SPDYE18: variants seen among roughly 807,000 people sequenced by gnomAD.
SPDYE18 encodes the protein speedy/RINGO cell cycle regulator family member E18, also known as speedy protein E18.
Under a neutral mutation model 44.9 loss-of-function variants are expected in SPDYE18, and 6 were observed. That is an observed-to-expected ratio of 0.13 (90% confidence interval 0.07 to 0.26). The LOEUF (loss-of-function observed/expected upper bound fraction) is 0.26, where lower values mean the gene tolerates loss of function less well. SPDYE18 is among the 10% of genes least tolerant of loss of function. The probability of loss-of-function intolerance (pLI) is 1.00; values close to 1 mark genes in which losing one functional copy is unlikely to be tolerated. For synonymous variants in SPDYE18, 35 were observed against 177.1 expected (o/e 0.20, Z 6.37); for missense variants, 121 against 463.2 (o/e 0.26, Z 6.78).
chr7:77,050,717 A>G lies in SPDYE18; in HGVS notation c.*1208T>C, dbSNP rs1199390016. On this transcript the variant is annotated 3_prime_UTR_variant, in exon 9 of 9. Coordinates refer to ENST00000510091, the MANE Select transcript of SPDYE18 (RefSeq NM_001394953.1). ...GCAGCACGTGTAATAATAGATACAA[A>G]GATTGAAAGGTAAAAGATTTAGGAT... Among the ~76,000 whole-genome samples, 1 of 150,726 alleles carries G rather than the reference A, an allele frequency of 6.6e-6. No homozygotes were observed. The highest frequency in any genetic ancestry group is 1.5e-5 in the Non-Finnish European group (1 of 67,676).
chr7:77,053,160 G>T lies in SPDYE18; in HGVS notation c.799C>A (p.Gln267Lys), dbSNP rs1252570933. ...CCATACAGGAAGTAGAAGATGTTTT[G>T]TTTGGGGTCCTCGTCGTCCTCCTCC... ...DMEEDDEDPK[Q>K]NIFYFLYGKT... The change falls in exon 7 of 9, where the codon CAA becomes AAA. Residue 267 changes from glutamine (Q) to lysine (K), a missense_variant. Physicochemically the swap from Gln to Lys is moderately conservative, Grantham distance 53. Transcript: ENST00000510091. 12 of 1,613,940 alleles carry T rather than the reference G, an allele frequency of 7.4e-6. No individual in the cohort carries two copies. Among genetic ancestry groups the T allele is most frequent in the Non-Finnish European group, 1.0e-5 (12 of 1,180,050 alleles).
At chr7:77,062,196 C>G (rs1194432250) in intron 1 of SPDYE18, among the ~76,000 whole-genome samples, 1 of 144,030 alleles carries the variant, frequency 6.9e-6, no homozygotes, top group Non-Finnish European at 1.5e-5. Flanking sequence ...CTAGGAGTCT[C>G]TCGCTCATAG....
intron 3 of SPDYE18, among the ~76,000 whole-genome samples, chr7:77,058,501 CTTTT>C (rs1158671945): frequency 2.0e-4 from 11 of 56,090 alleles, no homozygotes; most frequent in East Asian, 6.4e-4. Context: ...TTCCTTCCTT[CTTTT>C]TTTTTTTTTT....
chr7:77,062,330 G>A (rs3972473), intron 1 of SPDYE18, among the ~76,000 whole-genome samples, 166 bp downstream of exon 1: 83 of 148,332 alleles, frequency 5.6e-4, no homozygotes, highest in Admixed American at 9.7e-4. Context: ...AGCTGGGTGG[G>A]TCCTCCTACA....
At position 77,051,873 on chromosome 7, in the gene SPDYE18, C is replaced by T. The variant is rs370199131; in HGVS notation, c.*52G>A. On this transcript the variant is annotated 3_prime_UTR_variant, in exon 9 of 9. Coordinates refer to ENST00000510091, the MANE Select transcript of SPDYE18 (RefSeq NM_001394953.1). Reference sequence around the variant, plus strand: ...TGAAAATCCACATCTCCCCTGGGTCCGGTGTTCTGGAAGTGAGAGAGACAA... The same window carrying T: ...TGAAAATCCACATCTCCCCTGGGTCTGGTGTTCTGGAAGTGAGAGAGACAA... Among the ~76,000 whole-genome samples, 28 of 151,460 alleles carry T rather than the reference C, an allele frequency of 1.8e-4. No homozygotes were observed. The highest frequency in any genetic ancestry group is 4.8e-4 in the African/African-American group (20 of 41,456).
rs1404439800 is a variant in SPDYE18 at position 77,060,380 on chromosome 7, C to T, written c.133G>A (p.Val45Met). Reference protein sequence around the residue: ...STSGYPLQEVVDDEVLGPSAP... With the variant: ...STSGYPLQEVMDDEVLGPSAP... ...GATGGTCCCAACACTTCATCATCCA[C>T]CACCTCCTGGAGGGGGTACCCCGAG... Residue 45 changes from valine (V) to methionine (M), a missense_variant, in exon 2 of 9, where the codon GTG becomes ATG. Val to Met is a conservative substitution (Grantham distance 21, BLOSUM62 1). Coordinates refer to ENST00000510091, the MANE Select transcript of SPDYE18 (RefSeq NM_001394953.1). The T allele has an allele frequency of 2.6e-6, 4 of 1,535,506 alleles. No individual in the cohort carries two copies. Among genetic ancestry groups the T allele is most frequent in the Non-Finnish European group, 2.6e-6 (3 of 1,146,890 alleles).
Position 77,060,762 on chromosome 7 carries a change from GTGAA to G in SPDYE18, c.-254_-251del. 6.6e-6 allele frequency among the ~76,000 whole-genome samples: 1 copy of G among 150,594 alleles called. No individual in the cohort carries two copies. Among genetic ancestry groups the G allele is most frequent in the Non-Finnish European group, 1.5e-5 (1 of 67,772 alleles). On this transcript the variant is annotated 5_prime_UTR_variant, in exon 2 of 9. It removes the in-frame stop codon of an upstream open reading frame in the 5' UTR. Transcript: ENST00000510091. ...TGATCTCTTGTCCTGGAGATCCTGG[GTGAA>G]TGGTATCTCCTGCCACTGTCCCAAC...
At chr7:77,061,157 G>A in intron 1 of SPDYE18, among the ~76,000 whole-genome samples, 1 of 117,248 alleles carries the variant, frequency 8.5e-6, no homozygotes, top group Non-Finnish European at 1.7e-5. Context: ...TCTGCCGAAT[G>A]TTTACTCACA....
At chr7:77,053,525 A>G (rs1789853743) in intron 6 of SPDYE18, among the ~76,000 whole-genome samples, 1 of 152,272 alleles carries the variant, frequency 6.6e-6, no homozygotes, top group South Asian at 2.1e-4. Flanking sequence ...CAACATAGCA[A>G]GACCCTCGTC....
At chr7:77,053,362 A>G (rs1789850182) in intron 6 of SPDYE18, among the ~76,000 whole-genome samples, 159 bp from the exon 7 acceptor site, 2 of 152,164 alleles carry the variant, frequency 1.3e-5, no homozygotes, top group Non-Finnish European at 2.9e-5. Context: ...TCTGCTGGAC[A>G]GAGACCTGAT....
chr7:77,051,052 A>T lies in SPDYE18; in HGVS notation c.*873T>A, dbSNP rs1290577689. Among the ~76,000 whole-genome samples, 1 of 151,924 alleles carries T rather than the reference A, an allele frequency of 6.6e-6. No homozygotes were observed. Among genetic ancestry groups the T allele is most frequent in the Non-Finnish European group, 1.5e-5 (1 of 67,936 alleles). ...GAGACATGTTAAAAATCACAACTGAATTCTCACAATTCAGTCACAAACCTA... is the reference window on the plus strand; with the variant it reads ...GAGACATGTTAAAAATCACAACTGATTTCTCACAATTCAGTCACAAACCTA... On this transcript the variant is annotated 3_prime_UTR_variant, in exon 9 of 9. Coordinates refer to ENST00000510091, the MANE Select transcript of SPDYE18 (RefSeq NM_001394953.1).
In SPDYE18 at chr7:77,051,827, G is replaced by A. The variant is rs1297189940; in HGVS notation, c.*98C>T. Reference sequence around the variant, plus strand: ...TCCTCTTTCCTGTTGTCTGCCATTAGCATTGGAATAAAGTTCCTGCTGAAA... The same window carrying A: ...TCCTCTTTCCTGTTGTCTGCCATTAACATTGGAATAAAGTTCCTGCTGAAA... On this transcript the variant is annotated 3_prime_UTR_variant, in exon 9 of 9. Coordinates refer to ENST00000510091, the MANE Select transcript of SPDYE18 (RefSeq NM_001394953.1). Among the ~76,000 whole-genome samples, 2 of 151,896 alleles carry A rather than the reference G, an allele frequency of 1.3e-5. No individual in the cohort carries two copies. The highest frequency in any genetic ancestry group is 4.8e-5 in the African/African-American group (2 of 41,444).
chr7:77,060,775 C>G lies in SPDYE18; in HGVS notation c.-263G>C, dbSNP rs568213319. ...TGGAGATCCTGGGTGAATGGTATCT[C>G]CTGCCACTGTCCCAACCTCAGACCA... On this transcript the variant is annotated 5_prime_UTR_variant, in exon 2 of 9. Transcript: ENST00000510091. 9.2e-3 allele frequency among the ~76,000 whole-genome samples: 1,384 copies of G among 150,422 alleles called. 7 individuals are homozygous for G. The highest frequency in any genetic ancestry group is 0.032 in the African/African-American group (1,313 of 40,622).
At chr7:77,058,530 A>T (rs1789967209) in intron 3 of SPDYE18, among the ~76,000 whole-genome samples, 1 of 124,472 alleles carries the variant, frequency 8.0e-6, no homozygotes. Flanking sequence ...TTTTTGAGAC[A>T]GCGTCTCACT....
intron 3 of SPDYE18, 99 bp downstream of exon 3, chr7:77,059,081 C>G (rs1789978765): frequency 6.4e-7 from 1 of 1,551,004 alleles, no homozygotes; most frequent in Non-Finnish European, 8.7e-7. Flanking sequence ...AGCTCACCCA[C>G]TGGGGGCGTA....
intron 3 of SPDYE18, among the ~76,000 whole-genome samples, chr7:77,058,501 CTTTTTTTTTTT>C (rs1158671945): frequency 1.1e-4 from 6 of 56,096 alleles, no homozygotes; most frequent in Admixed American, 4.7e-4. Flanking sequence ...TTCCTTCCTT[CTTTTTTTTTTT>C]TTTTTTTTTT....
At chr7:77,058,545 C>T (rs1789967723) in intron 3 of SPDYE18, among the ~76,000 whole-genome samples, 1 of 138,894 alleles carries the variant, frequency 7.2e-6, no homozygotes, top group Admixed American at 7.6e-5. Context: ...CTCACTCTCT[C>T]ACCCAGAATG....
chr7:77,060,035 T>C (rs1276673516), intron 2 of SPDYE18, among the ~76,000 whole-genome samples: 3 of 145,844 alleles, frequency 2.1e-5, no homozygotes, highest in Non-Finnish European at 1.5e-5. Flanking sequence ...TTTCTTTTTT[T>C]TTTTTTTTGG....
At chr7:77,053,775 G>A (rs895266917) in intron 6 of SPDYE18, among the ~76,000 whole-genome samples, 3 of 151,710 alleles carry the variant, frequency 2.0e-5, no homozygotes, top group African/African-American at 7.3e-5. Flanking sequence ...GGAGGCGGAG[G>A]TTGCAGTGAG....
Sources: allele counts gnomAD v4.1 joint callset (sites outside exome capture counted in the v4.1 genomes callset), GRCh38; gene constraint gnomAD v4.1.1; transcripts MANE v1.5; gene names NCBI Gene and HGNC (gene_info 2026-07-23, HGNC 2026-07-21).